LTBP2: variants seen among roughly 807,000 people sequenced by gnomAD.
The protein encoded by LTBP2 is latent-transforming growth factor beta-binding protein 2.
A neutral mutation model predicts 210.6 loss-of-function variants in LTBP2; 103 were observed. The ratio of observed to expected loss-of-function variants is 0.49; its 90% CI spans 0.42 to 0.58. LTBP2 has a LOEUF of 0.58. Ranked by LOEUF, LTBP2 falls within the 20% of genes least tolerant of loss-of-function variation. The pLI, the probability that LTBP2 is intolerant of heterozygous loss-of-function variation, is 0.00. For synonymous variants in LTBP2, 1,007 were observed against 1,015.0 expected, an observed-to-expected ratio of 0.99 and a Z score of 0.15; for missense variants, 2,313 against 2,494.5, an observed-to-expected ratio of 0.93 and a Z score of 1.55.
chr14:74,538,120 T>C (rs2139729760), intron 8 of LTBP2, among the ~76,000 whole-genome samples: 1 of 152,314 alleles, frequency 6.6e-6, no homozygotes, highest in South Asian at 2.1e-4. Flanking sequence ...GAGATATTTA[T>C]CCTTTATCCA....
In LTBP2 at chr14:74,549,960, G is replaced by A. The variant is rs760482213; in HGVS notation, c.1692C>T (p.Ala564=). ...CYLNTVNGQC[A]NPLLELTTQE... is the part of the protein sequence containing the mutation. ...GGGTAGTCAGCTCCAGCAGAGGGTT[G>A]GCACACTGGAAGGAGAGGCCATGGA... The change falls in exon 8 of 36, where the codon GCC becomes GCT. Residue 564 remains alanine (A), a synonymous_variant. Transcript: ENST00000261978. 2.5e-6 allele frequency: 4 copies of A among 1,611,212 alleles called. No homozygotes were observed. The highest frequency in any genetic ancestry group is 1.7e-6 in the Non-Finnish European group (2 of 1,177,396).
At chr14:74,579,714 A>G (rs2088111483) in intron 3 of LTBP2, among the ~76,000 whole-genome samples, 1 of 152,162 alleles carries the variant, frequency 6.6e-6, no homozygotes, top group Admixed American at 6.5e-5. Flanking sequence ...CCACGGACAA[A>G]AACTCAGAGA....
intron 10 of LTBP2, among the ~76,000 whole-genome samples, chr14:74,530,878 C>T (rs1405752143): frequency 6.6e-6 from 1 of 152,238 alleles, no homozygotes; most frequent in Non-Finnish European, 1.5e-5. Context: ...AATCCAAAGA[C>T]TCCCGATTAA....
rs573094387 is a variant in LTBP2 at position 74,559,935 on chromosome 14, C to T, written c.831-4242G>A. 37 of 152,308 alleles carry T rather than the reference C, an allele frequency of 2.4e-4. 1 individual carries two copies. The highest frequency in any genetic ancestry group is 8.4e-4 in the African/African-American group (35 of 41,542). The allele number at this position is 152,308 out of a possible 1,614,324, so 9.4% of individuals were successfully genotyped here. On this transcript the variant is annotated intron_variant, in intron 3 of 35. Coordinates refer to ENST00000261978, the MANE Select transcript of LTBP2 (RefSeq NM_000428.3). ...AGGAGATGCTCCATCTACTATCAGC[C>T]TTGGAAGAACCGCTGCAATTTCATC... is the stretch of plus-strand genomic sequence containing the variant.
chr14:74,500,508 T>C lies in LTBP2; in HGVS notation c.*376A>G, dbSNP rs1390252520. 1 of 434,402 alleles carries C rather than the reference T, an allele frequency of 2.3e-6. No homozygotes were observed. The highest frequency in any genetic ancestry group is 3.5e-5 in the Admixed American group (1 of 28,392). 26.9% of individuals were successfully genotyped at this position (434,402 alleles called of 1,614,324 possible). A position where few individuals can be genotyped will look rare whatever the true frequency, so the allele number is the denominator to read the frequency against. On this transcript the variant is annotated 3_prime_UTR_variant, in exon 36 of 36. Coordinates refer to ENST00000261978, the MANE Select transcript of LTBP2 (RefSeq NM_000428.3). ...CCCAGTTGTGGGATCGTCAGGATGA[T>C]GGTGGATTGTGGCTGGAAAGGGGTG...
chr14:74,575,958 T>C (rs570392375), intron 3 of LTBP2, among the ~76,000 whole-genome samples: 3 of 152,248 alleles, frequency 2.0e-5, no homozygotes, highest in Non-Finnish European at 2.9e-5. Context: ...AGGGGAGTCA[T>C]GGGGGCTCTT....
intron 19 of LTBP2, 78 bp from the exon 20 acceptor site, chr14:74,510,291 C>A: frequency 6.3e-7 from 1 of 1,593,880 alleles, no homozygotes; most frequent in South Asian, 1.1e-5. Context: ...CCAAGCATCT[C>A]AGTTATGAGG....
intron 1 of LTBP2, among the ~76,000 whole-genome samples, chr14:74,610,554 C>T (rs964884979): frequency 2.6e-5 from 4 of 152,230 alleles, no homozygotes; most frequent in Admixed American, 2.0e-4. Context: ...CCCACCCAGC[C>T]CCTCACTGCC....
intron 3 of LTBP2, among the ~76,000 whole-genome samples, chr14:74,575,724 C>T (rs2088049200): frequency 6.6e-6 from 1 of 152,212 alleles, no homozygotes; most frequent in Admixed American, 6.5e-5. Context: ...AGAACCTACC[C>T]TCTGCAACAG....
chr14:74,509,449 T>C, intron 21 of LTBP2, 86 bp from the exon 22 acceptor site: 1 of 1,589,182 alleles, frequency 6.3e-7, no homozygotes, highest in Non-Finnish European at 8.6e-7. Flanking sequence ...CTTCCCTCTC[T>C]GAGCCCCTGG....
At chr14:74,507,139 T>G in intron 26 of LTBP2, 40 bp downstream of exon 26, 1 of 1,613,938 alleles carries the variant, frequency 6.2e-7, no homozygotes, top group Non-Finnish European at 8.5e-7. Context: ...AAATAGGTTT[T>G]CTCAGCCCTC....
chr14:74,607,158 A>G (rs1482134581), intron 1 of LTBP2, among the ~76,000 whole-genome samples: 1 of 152,224 alleles, frequency 6.6e-6, no homozygotes, highest in African/African-American at 2.4e-5. Context: ...AATCTGAGTT[A>G]CATGGTGAGA....
intron 5 of LTBP2, 40 bp downstream of exon 5, chr14:74,552,852 A>G: frequency 2.5e-6 from 4 of 1,594,666 alleles, no homozygotes; most frequent in Non-Finnish European, 3.4e-6. Flanking sequence ...TCTACCCTCC[A>G]GGGCCAGCTG....
intron 6 of LTBP2, among the ~76,000 whole-genome samples, chr14:74,551,643 T>C (rs1383338021): frequency 6.6e-6 from 1 of 152,062 alleles, no homozygotes; most frequent in African/African-American, 2.4e-5. Context: ...GCCCCCTGTC[T>C]CCTGCATGGC....
intron 8 of LTBP2, among the ~76,000 whole-genome samples, chr14:74,548,169 G>A (rs1301114871): frequency 6.6e-6 from 1 of 151,030 alleles, no homozygotes; most frequent in African/African-American, 2.4e-5. Flanking sequence ...CTGCACAAAA[G>A]CACCATCTCT....
At chr14:74,535,242 T>A (rs548275857) in intron 9 of LTBP2, among the ~76,000 whole-genome samples, 1 of 152,220 alleles carries the variant, frequency 6.6e-6, no homozygotes, top group South Asian at 2.1e-4. Flanking sequence ...CTCCTCTCTC[T>A]GAAGCAACCT....
chr14:74,509,749 C>T lies in LTBP2; in HGVS notation c.3262G>A (p.Gly1088Ser), dbSNP rs61505039. Residue 1088 changes from glycine to serine, a missense_variant, in exon 21 of 36, where the codon GGC (glycine) becomes AGC (serine). Around this residue, in one of 3 missense-constraint regions of LTBP2, gnomAD observed 1,867 missense variants for 1,976.9 expected, o/e 0.94. Coordinates refer to ENST00000261978, the MANE Select transcript of LTBP2 (RefSeq NM_000428.3). ...CENGYWVNED[G>S]TACEDLDECA... Reference sequence around the variant, plus strand: ...CCAGGGTTACCTTCACAGGCAGTGCCGTCTTCATTCACCCAGTACCCGTTC... The same window carrying T: ...CCAGGGTTACCTTCACAGGCAGTGCTGTCTTCATTCACCCAGTACCCGTTC... 23,868 of 1,614,096 alleles carry T rather than the reference C, an allele frequency of 0.015. 1,352 individuals are homozygous for T. In the East Asian group the frequency reaches 0.16, roughly 11 times the overall value.
chr14:74,507,841 T>C (rs892989578), intron 25 of LTBP2, 132 bp downstream of exon 25: 1 of 1,242,928 alleles, frequency 8.0e-7, no homozygotes, highest in African/African-American at 1.5e-5. Flanking sequence ...GAGCCCTGAG[T>C]CTCAATACAT....
At chr14:74,610,186 C>A (rs987671634) in intron 1 of LTBP2, among the ~76,000 whole-genome samples, 6 of 152,152 alleles carry the variant, frequency 3.9e-5, no homozygotes, top group Non-Finnish European at 7.3e-5. Context: ...GCTGGGAGGC[C>A]AGGCCATAAA....
Sources: gnomAD v4.1 joint callset for allele counts (sites outside exome capture counted in the v4.1 genomes callset) on GRCh38, gnomAD v4.1.1 for gene constraint, gnomAD v4.1.1 regional missense constraint, MANE v1.5 for transcripts, NCBI Gene and HGNC (gene_info 2026-07-23, HGNC 2026-07-21) for gene names.